MCM6: variants seen among roughly 807,000 people sequenced by gnomAD.
MCM6 encodes minichromosome maintenance complex component 6.
MCM6 carries 46 observed loss-of-function variants against 94.3 expected under a neutral mutation model. That is an observed-to-expected ratio of 0.49 (90% CI 0.39 to 0.62). The LOEUF is 0.62. Ranked by LOEUF, MCM6 falls within the 20% of genes least tolerant of loss-of-function variation. The probability of loss-of-function intolerance (pLI) is 0.00; values close to 1 mark genes in which losing one functional copy is unlikely to be tolerated. For synonymous variants in MCM6, 335 were observed against 351.9 expected (o/e 0.95, Z 0.54); for missense variants, 865 against 1,017.9 (o/e 0.85, Z 2.04).
At chr2:135,853,733 G>GAA (rs55820219) in intron 11 of MCM6, among the ~76,000 whole-genome samples, 115 of 147,860 alleles carry the variant, frequency 7.8e-4, no homozygotes, top group African/African-American at 2.1e-3. Flanking sequence ...CAGAATACTG[G>GAA]AAAAAAAAAA....
At chr2:135,868,942 G>C (rs1680151520) in intron 3 of MCM6, 82 bp from the exon 4 acceptor site, 1 of 1,342,868 alleles carries the variant, frequency 7.4e-7, no homozygotes, top group Non-Finnish European at 1.0e-6. Flanking sequence ...GGTATTCAAA[G>C]ATAATTTATG....
At chr2:135,856,163 A>G (rs1230352692) in intron 11 of MCM6, among the ~76,000 whole-genome samples, 4 of 152,210 alleles carry the variant, frequency 2.6e-5, no homozygotes, top group African/African-American at 9.6e-5. Context: ...GGTTGGGGCC[A>G]GGTACAGTGG....
chr2:135,857,522 T>G (rs1679913950), intron 10 of MCM6, among the ~76,000 whole-genome samples: 1 of 152,178 alleles, frequency 6.6e-6, no homozygotes, highest in South Asian at 2.1e-4. Context: ...CTTTTAAAGT[T>G]TAGATTCTCC....
chr2:135,841,936 C>G (rs1415917767), intron 16 of MCM6, among the ~76,000 whole-genome samples: 1 of 152,062 alleles, frequency 6.6e-6, no homozygotes, highest in Non-Finnish European at 1.5e-5. Context: ...GAAACACCAT[C>G]TCTACTAAAA....
In MCM6 at chr2:135,872,774, G is replaced by C. The variant is rs1558764553; in HGVS notation, c.177C>G (p.Asn59Lys). The part of the protein sequence containing the change: ...LAEELIRPER[N>K]TLVVSFVDLE... ...GGTCCACAAAACTCACAACCAATGT[G>C]TTTCTCTCAGGACGAATCAGTTCCT... is the stretch of plus-strand genomic sequence containing the variant. Residue 59 changes from asparagine to lysine, a missense_variant, in exon 2 of 17, where the codon AAC becomes AAG. By Grantham distance (94) the Asn-to-Lys change is moderately conservative. Around this residue, in one of 3 missense-constraint regions of MCM6, gnomAD observed 404 missense variants for 451.9 expected, o/e 0.89. Coordinates refer to ENST00000264156, the MANE Select transcript of MCM6 (RefSeq NM_005915.6). 6.2e-7 allele frequency: 1 copy of C among 1,614,168 alleles called. No homozygotes were observed. Among genetic ancestry groups the C allele is most frequent in the African/African-American group, 1.3e-5 (1 of 75,028 alleles).
At chr2:135,844,733 G>C in intron 15 of MCM6, 49 bp from the exon 16 acceptor site, 1 of 1,475,636 alleles carries the variant, frequency 6.8e-7, no homozygotes, top group Non-Finnish European at 8.9e-7. Flanking sequence ...CGTACTGTCA[G>C]TCCTTGGGTA....
intron 3 of MCM6, among the ~76,000 whole-genome samples, chr2:135,869,534 T>C (rs558466968): frequency 6.6e-6 from 1 of 152,188 alleles, no homozygotes; most frequent in African/African-American, 2.4e-5. Context: ...AATTTTGTAC[T>C]CAAAGTTCAG....
chr2:135,839,756 A>C lies in MCM6; in HGVS notation c.*1079T>G, dbSNP rs1259010775. On this transcript the variant is annotated 3_prime_UTR_variant, in exon 17 of 17. Transcript: ENST00000264156. ...TTATTGGGAGAAACATATTTAAATCATTGTTTTAACCTATATTAATCTGTC... is the reference window on the plus strand; with the variant it reads ...TTATTGGGAGAAACATATTTAAATCCTTGTTTTAACCTATATTAATCTGTC... 6.6e-6 allele frequency: 1 copy of C among 152,216 alleles called. No individual in the cohort carries two copies. Among genetic ancestry groups the C allele is most frequent in the African/African-American group, 2.4e-5 (1 of 41,454 alleles). 9.4% of individuals were successfully genotyped at this position (152,216 alleles called of 1,614,324 possible).
At chr2:135,841,290 T>C (rs4988280) in intron 16 of MCM6, among the ~76,000 whole-genome samples, 1,875 of 151,610 alleles carry the variant, frequency 0.012, 44 homozygotes, top group African/African-American at 0.043. Flanking sequence ...TTCTAATTAA[T>C]TGGAAGTCTG....
At position 135,851,434 on chromosome 2, in the gene MCM6, CAG is replaced by C; in HGVS notation, c.1883_1884del (p.Ser628Ter). On this transcript the variant is annotated frameshift_variant, in exon 13 of 17. Transcript: ENST00000264156. LOFTEE classifies it high-confidence loss of function. The stretch of plus-strand genomic sequence containing the variant: ...CAGCAGTGCATCCGAGCCATAGCTT[CAG>C]AGAGACGAATCATGCTCTCAAGCTG... ...VRQLESMIRL[S>X]EAMARMHCCD... 1 of 1,613,756 alleles carries C rather than the reference CAG, an allele frequency of 6.2e-7. No individual in the cohort carries two copies. The highest frequency in any genetic ancestry group is 8.5e-7 in the Non-Finnish European group (1 of 1,179,838).
At chr2:135,873,201 T>C (rs374075076) in intron 1 of MCM6, among the ~76,000 whole-genome samples, 27 of 152,212 alleles carry the variant, frequency 1.8e-4, no homozygotes, top group East Asian at 1.2e-3. Context: ...ACGTAAGACA[T>C]CAGTGACTTG....
intron 11 of MCM6, among the ~76,000 whole-genome samples, chr2:135,855,270 G>T (rs956648572): frequency 1.3e-5 from 2 of 152,188 alleles, no homozygotes; most frequent in African/African-American, 4.8e-5. Context: ...CTACTTTAAT[G>T]AATCATGAAC....
rs769922696 is a variant in MCM6 at position 135,866,575 on chromosome 2, G to T, written c.769C>A (p.Leu257Ile). ...TLIVVPDVSK[L>I]STPGARAETN... Reference sequence around the variant, plus strand: ...ACAGATTACTGACCTGGTGTGCTAAGCTTGGAGACGTCAGGCACAACAATC... The same window carrying T: ...ACAGATTACTGACCTGGTGTGCTAATCTTGGAGACGTCAGGCACAACAATC... The change falls in exon 5 of 17, where the codon CTT (leucine) becomes ATT (isoleucine). Residue 257 changes from leucine (L) to isoleucine (I), a missense_variant. Physicochemically the swap from Leu to Ile is conservative, Grantham distance 5 (BLOSUM62 2). Transcript: ENST00000264156. 6.2e-7 allele frequency: 1 copy of T among 1,612,566 alleles called. No homozygotes were observed. The highest frequency in any genetic ancestry group is 1.3e-5 in the African/African-American group (1 of 74,862).
Position 135,868,698 on chromosome 2 carries a change from CTGTG to C in MCM6, c.524_527del (p.Thr175SerfsTer49). The stretch of plus-strand genomic sequence containing the variant: ...AAACTGGATTTCGGCAGATGTTTGG[CTGTG>C]TGTATTTGAACTGCTGTTCTACATC... On this transcript the variant is annotated frameshift_variant, in exon 4 of 17. Coordinates refer to ENST00000264156, the MANE Select transcript of MCM6 (RefSeq NM_005915.6). LOFTEE classifies it high-confidence loss of function. 6.2e-7 allele frequency: 1 copy of C among 1,614,138 alleles called. No homozygotes were observed.
chr2:135,852,545 T>C (rs183904941), intron 12 of MCM6, among the ~76,000 whole-genome samples: 1 of 152,236 alleles, frequency 6.6e-6, no homozygotes, highest in East Asian at 1.9e-4. Context: ...AAAACTCTTC[T>C]CCCATACAAA....
chr2:135,866,831 C>T, intron 4 of MCM6, 103 bp from the exon 5 acceptor site: 1 of 967,438 alleles, frequency 1.0e-6, no homozygotes, highest in Non-Finnish European at 1.5e-6. Flanking sequence ...TCTAAACTAT[C>T]TGACCCATTA....
rs754073264 is a variant in MCM6, at chr2:135,851,539, T to C, written c.1780A>G (p.Ile594Val). ...PKISKESEDF[I>V]VEQYKHLRQR... Reference sequence around the variant, plus strand: ...CGGAGATGTTTATATTGCTCCACAATGAAGTCCTCTGACTCTTTGGAAATC... The same window carrying C: ...CGGAGATGTTTATATTGCTCCACAACGAAGTCCTCTGACTCTTTGGAAATC... The change falls in exon 13 of 17, where the codon ATT becomes GTT. Residue 594 changes from isoleucine (I) to valine (V), a missense_variant. Physicochemically the swap from Ile to Val is conservative, Grantham distance 29. Coordinates refer to ENST00000264156, the MANE Select transcript of MCM6 (RefSeq NM_005915.6). The C allele has an allele frequency of 6.2e-7, 1 of 1,610,110 alleles. No individual in the cohort carries two copies. The highest frequency in any genetic ancestry group is 1.1e-5 in the South Asian group (1 of 90,782).
At chr2:135,860,299 AT>A (rs1298159457) in intron 8 of MCM6, among the ~76,000 whole-genome samples, 1 of 149,816 alleles carries the variant, frequency 6.7e-6, no homozygotes, top group Non-Finnish European at 1.5e-5. Context: ...CACCCGGCTA[AT>A]TTTTTTTGTA....
chr2:135,862,312 GTATAAAATTTTATAC>G (rs1369936343), intron 8 of MCM6, among the ~76,000 whole-genome samples: 23 of 92,080 alleles, frequency 2.5e-4, no homozygotes, highest in African/African-American at 1.3e-3. Flanking sequence ...AATAAAATTT[GTATAAAATTTTATAC>G]AAATAATAAA....
Sources: allele counts gnomAD v4.1 joint callset (sites outside exome capture counted in the v4.1 genomes callset), GRCh38; gene constraint gnomAD v4.1.1; regional missense constraint gnomAD v4.1.1; transcripts MANE v1.5; gene names NCBI Gene and HGNC (gene_info 2026-07-23, HGNC 2026-07-21).